The following STIM1 variants were observed in gnomAD, a reference collection of about 807,000 sequenced individuals.
STIM1 encodes the protein stromal interaction molecule 1.
STIM1 carries 25 observed loss-of-function variants against 74.7 expected under a neutral mutation model. The ratio of observed to expected loss-of-function variants is 0.33; its 90% CI spans 0.24 to 0.47. The LOEUF (loss-of-function observed/expected upper bound fraction) is 0.47, where lower values mean the gene tolerates loss of function less well. Among genes scored for constraint, STIM1 ranks in the 20% least tolerant of loss-of-function variants. The pLI is 1.00. For missense variants in STIM1, 728 were observed against 920.8 expected (o/e 0.79, Z 2.71); for synonymous variants, 328 against 348.8 (o/e 0.94, Z 0.66).
At chr11:3,928,222 A>G (rs1373371441) in intron 1 of STIM1, among the ~76,000 whole-genome samples, 2 of 143,404 alleles carry the variant, frequency 1.4e-5, no homozygotes, top group East Asian at 4.1e-4. Context: ...CCTGCGTAAC[A>G]GTCCATTTTT....
intron 1 of STIM1, among the ~76,000 whole-genome samples, chr11:3,861,066 G>C (rs2090578221): frequency 6.6e-6 from 1 of 152,084 alleles, no homozygotes; most frequent in Non-Finnish European, 1.5e-5. Flanking sequence ...ACAGGAGAGA[G>C]TAGTCTGACT....
chr11:4,089,016 A>G, intron 12 of STIM1: 1 of 366,200 alleles, frequency 2.7e-6, no homozygotes, highest in South Asian at 2.7e-5. Flanking sequence ...AGGACTGCTT[A>G]AGCCCAGGAG....
intron 1 of STIM1, among the ~76,000 whole-genome samples, chr11:3,941,874 A>G (rs1590587354): frequency 6.6e-6 from 1 of 151,550 alleles, no homozygotes; most frequent in Non-Finnish European, 1.5e-5. Context: ...TTGTAGAGAG[A>G]GGGTCTTATG....
intron 3 of STIM1, among the ~76,000 whole-genome samples, chr11:4,041,136 G>A (rs2094143909): frequency 6.6e-6 from 1 of 152,210 alleles, no homozygotes; most frequent in Admixed American, 6.5e-5. Context: ...AGACCAATAA[G>A]AAGCTGGGTT....
intron 2 of STIM1, among the ~76,000 whole-genome samples, chr11:3,985,701 A>G (rs2093552254): frequency 6.6e-6 from 1 of 152,238 alleles, no homozygotes; most frequent in Non-Finnish European, 1.5e-5. Flanking sequence ...GAGAAAAGCC[A>G]TGCTTCAGAA....
chr11:3,888,396 A>G (rs1028934416), intron 1 of STIM1, among the ~76,000 whole-genome samples: 2 of 152,190 alleles, frequency 1.3e-5, no homozygotes, highest in Non-Finnish European at 2.9e-5. Flanking sequence ...AGCTTTTCTG[A>G]ACAAGCAGCA....
chr11:3,932,746 A>G (rs1341883434), intron 1 of STIM1, among the ~76,000 whole-genome samples: 1 of 152,068 alleles, frequency 6.6e-6, no homozygotes, highest in Admixed American at 6.5e-5. Flanking sequence ...GGACACAGAA[A>G]GGAGACAGCC....
At chr11:4,029,472 C>T (rs1256141293) in intron 3 of STIM1, among the ~76,000 whole-genome samples, 10 of 151,684 alleles carry the variant, frequency 6.6e-5, no homozygotes, top group Admixed American at 6.6e-4. Flanking sequence ...ATATCAGTTT[C>T]CTCCCACATC....
chr11:3,932,683 AAAAG>A (rs900233094), intron 1 of STIM1, among the ~76,000 whole-genome samples: 4 of 151,086 alleles, frequency 2.6e-5, no homozygotes, highest in Non-Finnish European at 5.9e-5. Context: ...AAAAAAAAAA[AAAAG>A]AAAAGAAAAG....
chr11:4,021,695 A>AT (rs570668492), intron 2 of STIM1, among the ~76,000 whole-genome samples: 20 of 151,242 alleles, frequency 1.3e-4, no homozygotes, highest in African/African-American at 3.2e-4. Context: ...GAATTTTAGG[A>AT]TTTTTTTTTC....
intron 3 of STIM1, among the ~76,000 whole-genome samples, chr11:4,038,233 C>T (rs2132972005): frequency 6.6e-6 from 1 of 152,058 alleles, no homozygotes; most frequent in East Asian, 1.9e-4. Context: ...TGGGGTTTTG[C>T]CATGTTGGTC....
intron 1 of STIM1, chr11:3,892,579 A>G (rs2091929058): frequency 1.2e-6 from 2 of 1,601,958 alleles, no homozygotes; most frequent in Admixed American, 1.7e-5. Context: ...TGTTGGGTCC[A>G]GCATTTGCCA....
intron 1 of STIM1, among the ~76,000 whole-genome samples, chr11:3,951,344 G>A (rs955153570): frequency 2.6e-5 from 4 of 152,188 alleles, no homozygotes; most frequent in African/African-American, 9.6e-5. Context: ...AAGACAAAGA[G>A]GGGCCAGTTA....
At chr11:3,869,114 G>T (rs991764659) in intron 1 of STIM1, among the ~76,000 whole-genome samples, 2 of 152,060 alleles carry the variant, frequency 1.3e-5, no homozygotes, top group African/African-American at 4.8e-5. Context: ...GACTACAGGC[G>T]CCAGCCACCA....
At chr11:3,927,534 A>T (rs1484799475) in intron 1 of STIM1, among the ~76,000 whole-genome samples, 1 of 152,184 alleles carries the variant, frequency 6.6e-6, no homozygotes, top group Non-Finnish European at 1.5e-5. Context: ...CCTTTTTCGC[A>T]GTTTGCCCTA....
intron 11 of STIM1, among the ~76,000 whole-genome samples, chr11:4,085,074 C>T (rs780956374): frequency 6.6e-6 from 1 of 151,958 alleles, no homozygotes; most frequent in Admixed American, 6.6e-5. Context: ...GGACAAATGA[C>T]CCCTTTCTTT....
At chr11:4,069,134 T>C (rs927985693) in intron 5 of STIM1, among the ~76,000 whole-genome samples, 7 of 152,184 alleles carry the variant, frequency 4.6e-5, no homozygotes, top group Non-Finnish European at 8.8e-5. Context: ...CTTTCAAGTC[T>C]TTTGTGCTGT....
At chr11:4,012,253 C>A (rs1335504867) in intron 2 of STIM1, among the ~76,000 whole-genome samples, 1 of 152,152 alleles carries the variant, frequency 6.6e-6, no homozygotes, top group Non-Finnish European at 1.5e-5. Context: ...TTTTCCAATT[C>A]TGTGAAGAAA....
At chr11:4,048,986 G>A (rs372600464) in intron 3 of STIM1, among the ~76,000 whole-genome samples, 22 of 152,228 alleles carry the variant, frequency 1.4e-4, no homozygotes, top group Admixed American at 1.2e-3. Context: ...TGCCCGCCTC[G>A]GCCTCCCAAA....
Sources: allele counts gnomAD v4.1 joint callset (sites outside exome capture counted in the v4.1 genomes callset), GRCh38; gene constraint gnomAD v4.1.1; transcripts MANE v1.5; gene names NCBI Gene and HGNC (gene_info 2026-07-23, HGNC 2026-07-21).